RNF182: variants seen among roughly 807,000 people sequenced by gnomAD.
The protein encoded by RNF182 is ring finger protein 182.
RNF182 carries 15 observed loss-of-function variants against 14.4 expected under a neutral mutation model. The ratio of observed to expected loss-of-function variants is 1.04; its 90% CI spans 0.70 to 1.60. The LOEUF (loss-of-function observed/expected upper bound fraction) is 1.60. Ranked by LOEUF, RNF182 falls within the 40% of genes most tolerant of loss-of-function variation. The probability of loss-of-function intolerance (pLI) is 0.00; values close to 1 mark genes in which losing one functional copy is unlikely to be tolerated. For missense variants in RNF182, 268 were observed against 294.8 expected, an observed-to-expected ratio of 0.91 and a Z score of 0.67; for synonymous variants, 128 against 122.9, an observed-to-expected ratio of 1.04 and a Z score of -0.27.
intron 1 of RNF182, among the ~76,000 whole-genome samples, chr6:13,940,722 C>T (rs145580052): frequency 3.3e-5 from 5 of 152,108 alleles, no homozygotes; most frequent in African/African-American, 9.6e-5. Flanking sequence ...CATATGCATT[C>T]GAAGCTCTGC....
intron 1 of RNF182, among the ~76,000 whole-genome samples, chr6:13,939,678 G>C (rs1192086633): frequency 6.6e-6 from 1 of 152,048 alleles, no homozygotes; most frequent in Admixed American, 6.6e-5. Flanking sequence ...TGAGTAGCTG[G>C]GACTACAGGC....
At chr6:13,935,878 G>T (rs1759097181) in intron 1 of RNF182, among the ~76,000 whole-genome samples, 1 of 152,180 alleles carries the variant, frequency 6.6e-6, no homozygotes, top group Non-Finnish European at 1.5e-5. Flanking sequence ...TTCTCACATT[G>T]CTATAAGGAA....
chr6:13,966,503 C>T (rs1480391072), intron 1 of RNF182, among the ~76,000 whole-genome samples: 2 of 152,144 alleles, frequency 1.3e-5, no homozygotes, highest in Non-Finnish European at 1.5e-5. Flanking sequence ...TGGCTCATAC[C>T]TGTAATCCCA....
intron 1 of RNF182, among the ~76,000 whole-genome samples, chr6:13,973,284 G>A (rs1331578797): frequency 6.6e-6 from 1 of 152,200 alleles, no homozygotes; most frequent in Non-Finnish European, 1.5e-5. Flanking sequence ...TAGGCAGATG[G>A]GACTTGCCTT....
chr6:13,964,400 C>T (rs280185), intron 1 of RNF182, among the ~76,000 whole-genome samples: 60,839 of 151,960 alleles, frequency 0.4, 13,457 homozygotes, highest in Middle Eastern at 0.51. Flanking sequence ...CAATGTTCTG[C>T]CCAAATTAAA....
chr6:13,934,672 C>T (rs1350170864), intron 1 of RNF182, among the ~76,000 whole-genome samples: 1 of 152,198 alleles, frequency 6.6e-6, no homozygotes, highest in Non-Finnish European at 1.5e-5. Flanking sequence ...GCTCTTAATG[C>T]TGGCTGGCAG....
intron 1 of RNF182, among the ~76,000 whole-genome samples, chr6:13,932,608 A>G (rs986552379): frequency 6.6e-6 from 1 of 152,198 alleles, no homozygotes; most frequent in Non-Finnish European, 1.5e-5. Flanking sequence ...TCCTTTGAAT[A>G]TTTTGTCACT....
chr6:13,929,731 C>G (rs1244301382), intron 1 of RNF182, among the ~76,000 whole-genome samples: 2 of 152,166 alleles, frequency 1.3e-5, no homozygotes, highest in African/African-American at 2.4e-5. Context: ...CAAAGGTACA[C>G]AAAATATACC....
At chr6:13,952,207 A>T (rs1228071984) in intron 1 of RNF182, among the ~76,000 whole-genome samples, 1 of 152,174 alleles carries the variant, frequency 6.6e-6, no homozygotes, top group Non-Finnish European at 1.5e-5. Flanking sequence ...CCAGTGCAGC[A>T]ACACTGAATC....
intron 1 of RNF182, among the ~76,000 whole-genome samples, chr6:13,967,068 G>C (rs953986388): frequency 2.0e-5 from 3 of 151,940 alleles, no homozygotes; most frequent in African/African-American, 7.3e-5. Flanking sequence ...CAACTCTTGG[G>C]CTCAAGTGAT....
intron 1 of RNF182, among the ~76,000 whole-genome samples, chr6:13,956,888 A>G (rs2113623164): frequency 6.6e-6 from 1 of 152,148 alleles, no homozygotes; most frequent in African/African-American, 2.4e-5. Context: ...TTCCTGCTCT[A>G]TAGTCAGTAA....
At chr6:13,948,012 T>G (rs998572535) in intron 1 of RNF182, among the ~76,000 whole-genome samples, 3 of 152,252 alleles carry the variant, frequency 2.0e-5, no homozygotes, top group African/African-American at 7.2e-5. Context: ...TATATTATAC[T>G]CAATTGTTGA....
intron 1 of RNF182, among the ~76,000 whole-genome samples, chr6:13,966,971 G>T (rs535016465): frequency 6.6e-6 from 1 of 152,036 alleles, no homozygotes; most frequent in African/African-American, 2.4e-5. Context: ...TGAGTAGCTG[G>T]GACCACAGGC....
At chr6:13,936,451 A>T (rs886623049) in intron 1 of RNF182, among the ~76,000 whole-genome samples, 1 of 152,212 alleles carries the variant, frequency 6.6e-6, no homozygotes, top group South Asian at 2.1e-4. Context: ...GTAAATTTAC[A>T]TGGTCGTGGT....
intron 2 of RNF182, among the ~76,000 whole-genome samples, chr6:13,974,911 C>CT (rs1466347266): frequency 6.6e-6 from 1 of 152,198 alleles, no homozygotes; most frequent in Non-Finnish European, 1.5e-5. Context: ...ACAGACACTG[C>CT]TGCTAACCCT....
chr6:13,967,757 A>G (rs988642232), intron 1 of RNF182, among the ~76,000 whole-genome samples: 3 of 152,160 alleles, frequency 2.0e-5, no homozygotes, highest in Non-Finnish European at 4.4e-5. Context: ...AAAAATAGAG[A>G]TGGAGTCTAA....
Position 13,973,796 on chromosome 6 carries a change from G to C in RNF182, c.-366-414G>C, listed in dbSNP as rs1314609320. On this transcript the variant is annotated intron_variant, in intron 1 of 2. Transcript: ENST00000488300. ...AGCATGAGAATGGACTAATAAACCT[G>C]ACATGTAGTCTAATCACCGCCAGAG... 2.0e-5 allele frequency among the ~76,000 whole-genome samples: 3 copies of C among 152,286 alleles called. No homozygotes were observed. In the East Asian group the frequency reaches 5.8e-4, roughly 29 times the overall value.
rs184338614 is a variant in RNF182, at chr6:13,942,868, C to A, written c.-367+17845C>A. Among the ~76,000 whole-genome samples the A allele has an allele frequency of 2.5e-3, 373 of 152,082 alleles. 1 individual carries two copies. The highest frequency in any genetic ancestry group is 8.4e-3 in the African/African-American group (348 of 41,474). On this transcript the variant is annotated intron_variant, in intron 1 of 2. Transcript: ENST00000488300. The stretch of plus-strand genomic sequence containing the variant: ...TCACTAATGTTCTCATCTTCTGTTC[C>A]GTTCTTATTTTTATTTTATTTTGTT...
intron 1 of RNF182, among the ~76,000 whole-genome samples, chr6:13,944,233 G>A (rs970358318): frequency 6.6e-6 from 1 of 152,178 alleles, no homozygotes; most frequent in African/African-American, 2.4e-5. Flanking sequence ...TCTAGAAAAG[G>A]AAGGTCAGGG....
Sources: allele counts gnomAD v4.1 joint callset (sites outside exome capture counted in the v4.1 genomes callset), GRCh38; gene constraint gnomAD v4.1.1; transcripts MANE v1.5; gene names NCBI Gene and HGNC (gene_info 2026-07-23, HGNC 2026-07-21).